Variants in DPP10 observed in about 807,000 individuals in gnomAD.
DPP10 encodes the protein inactive dipeptidyl peptidase 10.
A neutral mutation model predicts 120.9 loss-of-function variants in DPP10; 33 were observed. That is an observed-to-expected ratio of 0.27 (90% CI 0.21 to 0.37). The LOEUF is 0.37. Among genes scored for constraint, DPP10 ranks in the 10% least tolerant of loss-of-function variants. The pLI, the probability that DPP10 is intolerant of heterozygous loss-of-function variation, is 1.00. For missense variants in DPP10, 816 were observed against 942.8 expected (o/e 0.87, Z 1.76); for synonymous variants, 337 against 326.1 (o/e 1.03, Z -0.36).
At chr2:115,235,465 G>C (rs897756634) in intron 1 of DPP10, among the ~76,000 whole-genome samples, 1 of 152,108 alleles carries the variant, frequency 6.6e-6, no homozygotes, top group Non-Finnish European at 1.5e-5. Context: ...TTAAAATCAA[G>C]TTGCCTTACT....
At chr2:115,374,496 G>C (rs540503050) in intron 3 of DPP10, among the ~76,000 whole-genome samples, 21 of 152,242 alleles carry the variant, frequency 1.4e-4, no homozygotes, top group African/African-American at 4.6e-4. Context: ...AGCATTCTGG[G>C]GTCTGGAGGA....
rs184822440 is a variant in DPP10 at position 114,845,329 on chromosome 2, T to C, written c.60+402491T>C. Among the ~76,000 whole-genome samples the C allele has an allele frequency of 4.1e-4, 62 of 152,286 alleles. 1 individual carries two copies. Among genetic ancestry groups the C allele is most frequent in the Admixed American group, 3.3e-4 (5 of 15,280 alleles). ...GCATGATTACTTCATAATATGCATA[T>C]GTGGGGACAGGGGGTATATAAGAAC... On this transcript the variant is annotated intron_variant, in intron 1 of 25. Transcript: ENST00000410059.
intron 1 of DPP10, among the ~76,000 whole-genome samples, chr2:114,697,944 T>C (rs1159603841): frequency 1.3e-5 from 2 of 152,070 alleles, no homozygotes; most frequent in Non-Finnish European, 2.9e-5. Flanking sequence ...GGTGTCTACA[T>C]TGCCAACATT....
intron 4 of DPP10, among the ~76,000 whole-genome samples, chr2:115,501,381 C>T (rs2148796339): frequency 6.6e-6 from 1 of 152,180 alleles, no homozygotes; most frequent in East Asian, 1.9e-4. Flanking sequence ...TGGTACTACA[C>T]ACCATCACCA....
At chr2:115,840,862 G>GT (rs1252613240) in intron 25 of DPP10, 39 bp downstream of exon 25, 2 of 1,557,382 alleles carry the variant, frequency 1.3e-6, no homozygotes, top group Non-Finnish European at 8.8e-7. Context: ...TTCCTGCTGT[G>GT]TTTTTTCACT....
intron 2 of DPP10, among the ~76,000 whole-genome samples, chr2:115,324,368 A>G (rs1273199258): frequency 6.6e-6 from 1 of 152,184 alleles, no homozygotes; most frequent in East Asian, 1.9e-4. Context: ...CACCTTCATC[A>G]ACGATCCTAG....
chr2:115,015,344 A>G (rs1332439651), intron 1 of DPP10, among the ~76,000 whole-genome samples: 1 of 152,182 alleles, frequency 6.6e-6, no homozygotes, highest in Non-Finnish European at 1.5e-5. Context: ...TATTGATGGA[A>G]CATACTCAAA....
intron 1 of DPP10, among the ~76,000 whole-genome samples, chr2:115,207,748 G>A (rs951501959): frequency 3.9e-5 from 6 of 151,986 alleles, no homozygotes; most frequent in Non-Finnish European, 7.4e-5. Flanking sequence ...GTTTGTAACC[G>A]AATTGAATTT....
chr2:114,829,623 C>T (rs1410101653), intron 1 of DPP10, among the ~76,000 whole-genome samples: 2 of 151,586 alleles, frequency 1.3e-5, no homozygotes, highest in East Asian at 2.0e-4. Flanking sequence ...GTGGTCCTCC[C>T]GTCTCAGCCT....
At chr2:114,818,316 A>G (rs1482990781) in intron 1 of DPP10, among the ~76,000 whole-genome samples, 3 of 152,180 alleles carry the variant, frequency 2.0e-5, no homozygotes, top group Non-Finnish European at 2.9e-5. Context: ...TCTTAGGACT[A>G]TGCTCTCTAA....
At chr2:115,019,141 C>G (rs1243278924) in intron 1 of DPP10, among the ~76,000 whole-genome samples, 1 of 151,600 alleles carries the variant, frequency 6.6e-6, no homozygotes, top group Non-Finnish European at 1.5e-5. Flanking sequence ...GGTGCAAGGA[C>G]TGGTGAGATT....
intron 1 of DPP10, among the ~76,000 whole-genome samples, chr2:114,454,631 A>G (rs1213890158): frequency 6.6e-6 from 1 of 152,066 alleles, no homozygotes; most frequent in African/African-American, 2.4e-5. Context: ...CCTGTTCCTT[A>G]TTATCTGGCT....
At chr2:115,543,235 G>T (rs1387709191) in intron 5 of DPP10, among the ~76,000 whole-genome samples, 1 of 151,912 alleles carries the variant, frequency 6.6e-6, no homozygotes, top group South Asian at 2.1e-4. Flanking sequence ...AGAAAATTCC[G>T]GTCTTCCGGT....
chr2:114,877,589 G>A (rs114677931), intron 1 of DPP10, among the ~76,000 whole-genome samples: 76 of 152,106 alleles, frequency 5.0e-4, no homozygotes, highest in African/African-American at 1.5e-3. Flanking sequence ...AGTGAACGGC[G>A]GACACACACA....
intron 12 of DPP10, among the ~76,000 whole-genome samples, chr2:115,767,507 AGT>A (rs1455084881): frequency 2.1e-5 from 3 of 145,048 alleles, no homozygotes; most frequent in Admixed American, 7.4e-5. Flanking sequence ...ATATACACAT[AGT>A]GTGTGTGTAT....
rs543294500 is a variant in DPP10, at chr2:114,445,186, C to T, written c.60+2348C>T. 2.0e-5 allele frequency among the ~76,000 whole-genome samples: 3 copies of T among 152,246 alleles called. No homozygotes were observed. The South Asian group carries it at 6.2e-4, about 32-fold the overall frequency. ...GTTGTTTAAAGTTAATTTTATTCCTCACTCTTAAATTTACTATCAATTTAC... is the reference window on the plus strand; with the variant it reads ...GTTGTTTAAAGTTAATTTTATTCCTTACTCTTAAATTTACTATCAATTTAC... On this transcript the variant is annotated intron_variant, in intron 1 of 25. Transcript: ENST00000410059.
intron 1 of DPP10, among the ~76,000 whole-genome samples, chr2:114,679,171 A>C (rs1447013756): frequency 2.6e-5 from 4 of 152,038 alleles, no homozygotes; most frequent in Non-Finnish European, 5.9e-5. Context: ...TTACTAGTGA[A>C]CACCTCAAAC....
Position 114,472,503 on chromosome 2 carries a change from G to A in DPP10, c.60+29665G>A, listed in dbSNP as rs376844585. On this transcript the variant is annotated intron_variant, in intron 1 of 25. Coordinates refer to ENST00000410059, the MANE Select transcript of DPP10 (RefSeq NM_020868.6). ...CTCCTGGCAGCATTGAGCTTTCTCA[G>A]AAAGTCATTTTAAGGGGGGTTAGTG... Among the ~76,000 whole-genome samples, 7 of 152,196 alleles carry A rather than the reference G, an allele frequency of 4.6e-5. No individual in the cohort carries two copies. In the East Asian group the frequency reaches 7.7e-4, roughly 17 times the overall value.
intron 7 of DPP10, among the ~76,000 whole-genome samples, chr2:115,692,575 A>G (rs1212224593): frequency 1.3e-5 from 2 of 151,992 alleles, no homozygotes; most frequent in African/African-American, 2.4e-5. Context: ...AATAACTCTG[A>G]TTGGCCAACC....
Sources: allele counts gnomAD v4.1 joint callset (sites outside exome capture counted in the v4.1 genomes callset), GRCh38; gene constraint gnomAD v4.1.1; transcripts MANE v1.5; gene names NCBI Gene and HGNC (gene_info 2026-07-23, HGNC 2026-07-21).